The following SOX5 variants were observed in gnomAD, a reference collection of about 807,000 sequenced individuals.
SOX5 encodes SRY-box transcription factor 5, also known as transcription factor SOX-5.
Under a neutral mutation model 92.0 loss-of-function variants are expected in SOX5, and 9 were observed. That is an observed-to-expected ratio of 0.10 (90% CI 0.06 to 0.17). The LOEUF (loss-of-function observed/expected upper bound fraction) is 0.17. Among genes scored for constraint, SOX5 ranks in the 10% least tolerant of loss-of-function variants. SOX5 has a pLI of 1.00. For missense variants in SOX5, 642 were observed against 944.5 expected, an observed-to-expected ratio of 0.68 and a Z score of 4.20; for synonymous variants, 344 against 336.3, an observed-to-expected ratio of 1.02 and a Z score of -0.25.
chr12:23,729,931 AAAACTATAG>A (rs1340581945), intron 6 of SOX5, among the ~76,000 whole-genome samples: 1 of 152,150 alleles, frequency 6.6e-6, no homozygotes, highest in Non-Finnish European at 1.5e-5. Context: ...ACACATGCCC[AAAACTATAG>A]AAACCCTGTC....
intron 2 of SOX5, among the ~76,000 whole-genome samples, chr12:24,287,592 CTTTTT>C (rs763973565): frequency 3.1e-4 from 25 of 79,690 alleles, no homozygotes; most frequent in African/African-American, 9.9e-4. Context: ...TTCTCAAATC[CTTTTT>C]TTTTTTTTTT....
intron 3 of SOX5, among the ~76,000 whole-genome samples, chr12:23,797,295 T>C (rs1008263924): frequency 6.6e-6 from 1 of 152,052 alleles, no homozygotes; most frequent in Non-Finnish European, 1.5e-5. Flanking sequence ...GTGGTTCAAA[T>C]ACCTGCTTTA....
At chr12:24,130,792 A>C (rs1949571382) in intron 4 of SOX5, among the ~76,000 whole-genome samples, 1 of 152,142 alleles carries the variant, frequency 6.6e-6, no homozygotes, top group African/African-American at 2.4e-5. Context: ...TGCATTCTAC[A>C]CAAGCATATT....
At position 23,877,452 on chromosome 12, in the gene SOX5, G is replaced by T. The variant is rs142271177; in HGVS notation, c.270+18341C>A. 8.5e-4 allele frequency among the ~76,000 whole-genome samples: 130 copies of T among 152,052 alleles called. 1 individual carries two copies. Among genetic ancestry groups the T allele is most frequent in the Middle Eastern group, 3.4e-3 (1 of 294 alleles). Reference sequence around the variant, plus strand: ...TCTGTTTATGTTTCCTCCTTTCTATGTAGTCCTATGAAATCATACAATTCA... The same window carrying T: ...TCTGTTTATGTTTCCTCCTTTCTATTTAGTCCTATGAAATCATACAATTCA... On this transcript the variant is annotated intron_variant, in intron 2 of 14. Transcript: ENST00000451604.
At chr12:23,562,277 G>GGAGCAGGAAGGAA (rs1396594984) in intron 11 of SOX5, among the ~76,000 whole-genome samples, 1 of 152,108 alleles carries the variant, frequency 6.6e-6, no homozygotes, top group Admixed American at 6.6e-5. Context: ...TTAGGACCAG[G>GGAGCAGGAAGGAA]GAAAGAGCAG....
chr12:24,201,020 T>A (rs1413742114), intron 4 of SOX5, among the ~76,000 whole-genome samples: 1 of 152,138 alleles, frequency 6.6e-6, no homozygotes, highest in Non-Finnish European at 1.5e-5. Context: ...GGAGGAACTA[T>A]CACAGAACTA....
At chr12:23,605,868 A>G (rs574026239) in intron 8 of SOX5, among the ~76,000 whole-genome samples, 1 of 152,212 alleles carries the variant, frequency 6.6e-6, no homozygotes, top group African/African-American at 2.4e-5. Context: ...TTAATGTAAA[A>G]TATATCCCAG....
chr12:24,287,592 C>CTTTTTTT (rs763973565), intron 2 of SOX5, among the ~76,000 whole-genome samples: 37 of 79,686 alleles, frequency 4.6e-4, no homozygotes, highest in African/African-American at 1.1e-3. Context: ...TTCTCAAATC[C>CTTTTTTT]TTTTTTTTTT....
intron 2 of SOX5, among the ~76,000 whole-genome samples, chr12:23,854,730 T>C (rs2096668780): frequency 6.6e-6 from 1 of 152,104 alleles, no homozygotes; most frequent in South Asian, 2.1e-4. Flanking sequence ...GTTCAAATCC[T>C]GGTTCCATCA....
intron 2 of SOX5, among the ~76,000 whole-genome samples, chr12:23,884,652 T>C (rs904794815): frequency 1.3e-5 from 2 of 152,214 alleles, no homozygotes; most frequent in African/African-American, 4.8e-5. Context: ...TTTATATGAG[T>C]GCAGAAACTG....
chr12:23,895,689 C>T (rs2137700279), intron 2 of SOX5, 104 bp downstream of exon 2: 1 of 757,912 alleles, frequency 1.3e-6, no homozygotes, highest in East Asian at 2.5e-5. Context: ...TGCATGGGTT[C>T]TTAAGTAGAT....
chr12:24,437,501 CA>C (rs1437126652), intron 1 of SOX5, among the ~76,000 whole-genome samples: 1 of 152,132 alleles, frequency 6.6e-6, no homozygotes, highest in Non-Finnish European at 1.5e-5. Flanking sequence ...AGCTTCTGCA[CA>C]GCAAAAGAAA....
At chr12:24,209,379 T>C (rs1164829195) in intron 4 of SOX5, among the ~76,000 whole-genome samples, 2 of 152,194 alleles carry the variant, frequency 1.3e-5, no homozygotes, top group Non-Finnish European at 2.9e-5. Flanking sequence ...ATCAGTTGAA[T>C]GATAAAAATG....
chr12:24,289,605 C>T (rs1221020502), intron 2 of SOX5, among the ~76,000 whole-genome samples: 1 of 143,592 alleles, frequency 7.0e-6, no homozygotes, highest in Admixed American at 6.8e-5. Flanking sequence ...AGGCGCCCGC[C>T]ACTACGCCCG....
At chr12:24,350,516 G>T (rs989084857) in intron 2 of SOX5, among the ~76,000 whole-genome samples, 1 of 152,050 alleles carries the variant, frequency 6.6e-6, no homozygotes, top group Non-Finnish European at 1.5e-5. Flanking sequence ...GCTAATTTTT[G>T]TATTTCTTAT....
At chr12:24,172,218 C>A (rs1954282469) in intron 4 of SOX5, among the ~76,000 whole-genome samples, 1 of 151,968 alleles carries the variant, frequency 6.6e-6, no homozygotes, top group Non-Finnish European at 1.5e-5. Flanking sequence ...GCAGGGGAGT[C>A]ATAGAGTAAC....
At chr12:23,738,756 G>C (rs2093693055) in intron 5 of SOX5, among the ~76,000 whole-genome samples, 1 of 152,164 alleles carries the variant, frequency 6.6e-6, no homozygotes. Context: ...CCCCAGCCAA[G>C]CTACATTTTC....
chr12:23,884,241 C>A (rs78935812), intron 2 of SOX5, among the ~76,000 whole-genome samples: 1,925 of 152,246 alleles, frequency 0.013, 39 homozygotes, highest in African/African-American at 0.043. Flanking sequence ...TAAGGTAAAA[C>A]CATTTCCATA....
intron 3 of SOX5, among the ~76,000 whole-genome samples, chr12:24,238,588 C>T (rs1218991147): frequency 6.6e-6 from 1 of 152,132 alleles, no homozygotes; most frequent in Non-Finnish European, 1.5e-5. Flanking sequence ...AACTCCTGAG[C>T]TCAAGTCATC....
Sources: gnomAD v4.1 joint callset for allele counts (sites outside exome capture counted in the v4.1 genomes callset) on GRCh38, gnomAD v4.1.1 for gene constraint, MANE v1.5 for transcripts, NCBI Gene and HGNC (gene_info 2026-07-23, HGNC 2026-07-21) for gene names.